The following PLCB1 variants were observed in gnomAD, a reference collection of about 807,000 sequenced individuals.
PLCB1 encodes 1-phosphatidylinositol 4,5-bisphosphate phosphodiesterase beta-1.
In PLCB1, 46 loss-of-function variants were observed where a neutral mutation model predicts 161.8. That is an observed-to-expected ratio of 0.28 (90% CI 0.22 to 0.36). PLCB1 has a LOEUF of 0.36. Ranked by LOEUF, PLCB1 falls within the 10% of genes least tolerant of loss-of-function variation. PLCB1 has a pLI of 1.00. For synonymous variants in PLCB1, 517 were observed against 503.7 expected, an observed-to-expected ratio of 1.03 and a Z score of -0.35; for missense variants, 1,016 against 1,472.5, an observed-to-expected ratio of 0.69 and a Z score of 5.07.
chr20:8,702,259 A>G (rs1978409442), intron 11 of PLCB1, among the ~76,000 whole-genome samples: 1 of 152,112 alleles, frequency 6.6e-6, no homozygotes, highest in African/African-American at 2.4e-5. Flanking sequence ...CCTGGTGGCC[A>G]TGACATAGCA....
At chr20:8,478,982 A>G (rs1240211597) in intron 3 of PLCB1, among the ~76,000 whole-genome samples, 1 of 152,168 alleles carries the variant, frequency 6.6e-6, no homozygotes, top group Non-Finnish European at 1.5e-5. Context: ...AATTCTTTAG[A>G]TAATTACTAT....
At chr20:8,387,989 A>G in intron 3 of PLCB1, among the ~76,000 whole-genome samples, 1 of 151,548 alleles carries the variant, frequency 6.6e-6, no homozygotes, top group Middle Eastern at 3.4e-3. Context: ...AAAAAAAAAA[A>G]AAAAAAAAGA....
intron 2 of PLCB1, among the ~76,000 whole-genome samples, chr20:8,347,740 G>C (rs1986041942): frequency 6.6e-6 from 1 of 152,076 alleles, no homozygotes; most frequent in African/African-American, 2.4e-5. Context: ...AATGGACTTA[G>C]GCCTGAAAGA....
chr20:8,817,489 A>T (rs976642339), intron 31 of PLCB1, among the ~76,000 whole-genome samples: 8 of 152,188 alleles, frequency 5.3e-5, no homozygotes, highest in Admixed American at 5.2e-4. Flanking sequence ...TGAAGGGCCA[A>T]ACTGAGTGCT....
chr20:8,478,753 T>TTTG (rs1982382507), intron 3 of PLCB1, among the ~76,000 whole-genome samples: 1 of 152,266 alleles, frequency 6.6e-6, no homozygotes, highest in East Asian at 1.9e-4. Context: ...TTTTGTAATT[T>TTTG]TTGCTAACTT....
rs189279489 is a variant in PLCB1 at position 8,212,655 on chromosome 20, C to T, written c.177+62284C>T. ...ACAAAACGCAAAAGATGAAACATCT[C>T]TACAACTTCAGACCTTGGCCAAAAG... On this transcript the variant is annotated intron_variant, in intron 2 of 31. Coordinates refer to ENST00000338037, the MANE Select transcript of PLCB1 (RefSeq NM_015192.4). Among the ~76,000 whole-genome samples, 11 of 152,210 alleles carry T rather than the reference C, an allele frequency of 7.2e-5. No homozygotes were observed. The East Asian group carries it at 1.4e-3, about 19-fold the overall frequency.
At chr20:8,844,227 T>C (rs181588024) in intron 31 of PLCB1, among the ~76,000 whole-genome samples, 1 of 152,354 alleles carries the variant, frequency 6.6e-6, no homozygotes, top group African/African-American at 2.4e-5. Context: ...TGTCCTTTTG[T>C]TTGCCGTTGG....
chr20:8,629,875 T>TTCTTTCTC (rs1272803067), intron 4 of PLCB1, among the ~76,000 whole-genome samples: 2 of 83,458 alleles, frequency 2.4e-5, no homozygotes, highest in African/African-American at 4.4e-5. Context: ...CTTTCTTTCT[T>TTCTTTCTC]TCTCTCTCTC....
intron 3 of PLCB1, among the ~76,000 whole-genome samples, chr20:8,546,364 C>A (rs1466881022): frequency 6.6e-6 from 1 of 150,638 alleles, no homozygotes; most frequent in Non-Finnish European, 1.5e-5. Flanking sequence ...TTGTGATTTC[C>A]TGGTCCAGTG....
chr20:8,479,141 A>AT (rs1220525102), intron 3 of PLCB1, among the ~76,000 whole-genome samples: 1 of 152,072 alleles, frequency 6.6e-6, no homozygotes, highest in African/African-American at 2.4e-5. Context: ...TTAATGTCTT[A>AT]TTTTTTATTA....
intron 2 of PLCB1, among the ~76,000 whole-genome samples, chr20:8,341,002 G>A (rs1222188685): frequency 2.0e-5 from 3 of 152,120 alleles, no homozygotes; most frequent in Non-Finnish European, 4.4e-5. Flanking sequence ...AACCAGTACA[G>A]CTCTTCACAC....
intron 3 of PLCB1, chr20:8,371,692 GACA>G (rs1027305363): frequency 3.2e-5 from 12 of 379,176 alleles, no homozygotes; most frequent in African/African-American, 1.9e-4. Context: ...GAAAAAAAAA[GACA>G]ACGACAACAA....
rs11481086 is a variant in PLCB1 at position 8,744,634 on chromosome 20, A to AT, written c.2523+3062dup. Among the ~76,000 whole-genome samples, 211 of 59,786 alleles carry AT rather than the reference A, an allele frequency of 3.5e-3. 1 individual carries two copies. The highest frequency in any genetic ancestry group is 8.8e-3 in the African/African-American group (165 of 18,826). 39.2% of individuals were successfully genotyped at this position (59,786 alleles called of 152,430 possible). ...AATAAAATAAATAAAATAAAATAAA[A>AT]TAAAATAAAATAAAATAAAATAAAA... is the stretch of plus-strand genomic sequence containing the variant. On this transcript the variant is annotated intron_variant, in intron 23 of 31. Transcript: ENST00000338037.
At chr20:8,618,201 C>T (rs1056590506) in intron 3 of PLCB1, among the ~76,000 whole-genome samples, 29 of 151,980 alleles carry the variant, frequency 1.9e-4, no homozygotes, top group Admixed American at 8.5e-4. Flanking sequence ...AAAAAGTGAA[C>T]GAGATTTGAG....
chr20:8,395,188 T>C (rs1001457188), intron 3 of PLCB1, among the ~76,000 whole-genome samples: 3 of 152,082 alleles, frequency 2.0e-5, no homozygotes, highest in Admixed American at 6.6e-5. Context: ...ATATGGGAAA[T>C]TGAACACCTA....
chr20:8,176,360 A>G (rs1222788294), intron 2 of PLCB1, among the ~76,000 whole-genome samples: 1 of 152,240 alleles, frequency 6.6e-6, no homozygotes, highest in African/African-American at 2.4e-5. Context: ...AGTCTCCAGT[A>G]TGCTGAATGG....
intron 2 of PLCB1, among the ~76,000 whole-genome samples, chr20:8,268,571 A>G (rs1297803334): frequency 6.6e-6 from 1 of 152,212 alleles, no homozygotes; most frequent in Admixed American, 6.5e-5. Flanking sequence ...GAACTAATTT[A>G]CAGTCCCACC....
intron 3 of PLCB1, among the ~76,000 whole-genome samples, chr20:8,475,229 T>C (rs1982223649): frequency 6.6e-6 from 1 of 152,174 alleles, no homozygotes; most frequent in African/African-American, 2.4e-5. Context: ...ATTCATTTGT[T>C]CAAAAGCCAT....
intron 31 of PLCB1, among the ~76,000 whole-genome samples, chr20:8,848,993 G>C (rs1986793013): frequency 6.6e-6 from 1 of 152,174 alleles, no homozygotes; most frequent in African/African-American, 2.4e-5. Context: ...CATTTTGGGG[G>C]CTTGGAAGCC....
Sources: gnomAD v4.1 joint callset for allele counts (sites outside exome capture counted in the v4.1 genomes callset) on GRCh38, gnomAD v4.1.1 for gene constraint, MANE v1.5 for transcripts, NCBI Gene and HGNC (gene_info 2026-07-23, HGNC 2026-07-21) for gene names.